Variants in URGCP observed in about 807,000 individuals in gnomAD.
URGCP encodes upregulator of cell proliferation, also known as up-regulator of cell proliferation.
Under a neutral mutation model 24.6 loss-of-function variants are expected in URGCP, and 13 were observed. That is an observed-to-expected ratio of 0.53 (90% CI 0.34 to 0.84). The LOEUF (loss-of-function observed/expected upper bound fraction) is 0.84, where lower values mean the gene tolerates loss of function less well. Ranked by LOEUF, URGCP falls within the 40% of genes least tolerant of loss-of-function variation. The pLI is 0.01. For synonymous variants in URGCP, 444 were observed against 487.2 expected, an observed-to-expected ratio of 0.91 and a Z score of 1.17; for missense variants, 899 against 1,194.3, an observed-to-expected ratio of 0.75 and a Z score of 3.64.
upstream of URGCP, among the ~76,000 whole-genome samples, chr7:43,908,108 G>A (rs1228108406): frequency 2.0e-5 from 3 of 152,198 alleles, no homozygotes; most frequent in East Asian, 5.8e-4. Flanking sequence ...TTGAGACAGG[G>A]TCTTGCCCTG....
rs549640753 is a variant in URGCP, at chr7:43,916,582, G to C, written c.-116+9550C>G. ...GACTAATTTCTGCGGATTAAGCCAAGCCTCATTTCATGGATAAAGGTCATG... is the reference window on the plus strand; with the variant it reads ...GACTAATTTCTGCGGATTAAGCCAACCCTCATTTCATGGATAAAGGTCATG... On this transcript the variant is annotated intron_variant, in intron 1 of 5. Transcript: ENST00000426198. Among the ~76,000 whole-genome samples, 4 of 152,254 alleles carry C rather than the reference G, an allele frequency of 2.6e-5. No individual in the cohort carries two copies. In the East Asian group the frequency reaches 7.7e-4, roughly 29 times the overall value.
chr7:43,895,593 T>C (rs1314539423), intron 1 of URGCP, among the ~76,000 whole-genome samples: 3 of 152,226 alleles, frequency 2.0e-5, no homozygotes, highest in Non-Finnish European at 4.4e-5. Flanking sequence ...GAGAATCACT[T>C]GAACCCAGGA....
At chr7:43,880,262 G>T (rs1046982841) in intron 5 of URGCP, among the ~76,000 whole-genome samples, 3 of 152,130 alleles carry the variant, frequency 2.0e-5, no homozygotes, top group Admixed American at 2.0e-4. Context: ...AAAATATTCA[G>T]TGCAGACTGT....
chr7:43,881,782 C>T, intron 4 of URGCP, 85 bp from the exon 5 acceptor site: 1 of 1,609,666 alleles, frequency 6.2e-7, no homozygotes, highest in East Asian at 2.2e-5. Flanking sequence ...AAACCTAGAA[C>T]CCTTCTTTCT....
At chr7:43,926,516 C>T, upstream of URGCP, 1 of 1,526,902 alleles carries the variant, frequency 6.5e-7, no homozygotes, top group Non-Finnish European at 8.8e-7. Flanking sequence ...CGCCCGGGTC[C>T]CCGGCAGCGG....
At chr7:43,903,147 G>A (rs2095894573) in intron 1 of URGCP, among the ~76,000 whole-genome samples, 1 of 149,780 alleles carries the variant, frequency 6.7e-6, no homozygotes. Flanking sequence ...GAGAGAGAGA[G>A]AAAGAGAAAG....
chr7:43,887,788 A>T lies in URGCP; in HGVS notation c.41+2T>A. 1 of 1,549,592 alleles carries T rather than the reference A, an allele frequency of 6.5e-7. No homozygotes were observed. Among genetic ancestry groups the T allele is most frequent in the Middle Eastern group, 1.7e-4 (1 of 5,984 alleles). ...TTCAGAAAGACAGAAAAATATACAT[A>T]CCCTTTGCCCAGTAATTCCACTTCT... On this transcript the variant is annotated splice_donor_variant, in intron 2 of 5. Coordinates refer to ENST00000453200, the MANE Select transcript of URGCP (RefSeq NM_001077663.3). LOFTEE classifies it high-confidence loss of function.
exon 1 of URGCP, chr7:43,926,380 C>G (rs1042055604): frequency 2.0e-6 from 1 of 491,666 alleles, no homozygotes; most frequent in Non-Finnish European, 2.9e-6. Context: ...CGCGCCAGGA[C>G]GCTCGGCACG....
At chr7:43,893,520 C>CT (rs2132682988) in intron 1 of URGCP, among the ~76,000 whole-genome samples, 1 of 152,232 alleles carries the variant, frequency 6.6e-6, no homozygotes, top group East Asian at 1.9e-4. Context: ...AGACCCAACT[C>CT]TATGTTGTCT....
At chr7:43,915,268 C>CCGT (rs1263355524) in intron 1 of URGCP, among the ~76,000 whole-genome samples, 1 of 152,104 alleles carries the variant, frequency 6.6e-6, no homozygotes, top group Non-Finnish European at 1.5e-5. Flanking sequence ...TTTTGGTGGC[C>CCGT]CATACAGGGA....
chr7:43,877,446 G>C lies in URGCP; in HGVS notation c.2017C>G (p.Arg673Gly), dbSNP rs530387888. 3.1e-6 allele frequency: 5 copies of C among 1,613,472 alleles called. No homozygotes were observed. Among genetic ancestry groups the C allele is most frequent in the Middle Eastern group, 1.6e-4 (1 of 6,082 alleles). ...TCCTTCAGGAGCCCTGTGACCCAGCGGACGGGCATGCTCAGCGTGCTCCCA... is the reference window on the plus strand; with the variant it reads ...TCCTTCAGGAGCCCTGTGACCCAGCCGACGGGCATGCTCAGCGTGCTCCCA... ...IDGSTLSMPV[R>G]WVTGLLKELH... The change falls in exon 6 of 6, where the codon CGC becomes GGC. Residue 673 changes from arginine (R) to glycine (G), a missense_variant. Transcript: ENST00000453200.
intron 1 of URGCP, among the ~76,000 whole-genome samples, chr7:43,912,899 G>A (rs1776219130): frequency 6.6e-6 from 1 of 151,820 alleles, no homozygotes; most frequent in South Asian, 2.1e-4. Flanking sequence ...TGCCCAGGCT[G>A]GAATGTAGTG....
Position 43,877,455 on chromosome 7 carries a change from T to C in URGCP, c.2008A>G (p.Met670Val), listed in dbSNP as rs893883715. ...LELIDGSTLS[M>V]PVRWVTGLLK... ...AGCCCTGTGACCCAGCGGACGGGCA[T>C]GCTCAGCGTGCTCCCATCGATTAGC... Residue 670 changes from methionine to valine, a missense_variant, in exon 6 of 6, where the codon ATG (methionine) becomes GTG (valine). Transcript: ENST00000453200. 1 of 1,613,704 alleles carries C rather than the reference T, an allele frequency of 6.2e-7. No homozygotes were observed. Among genetic ancestry groups the C allele is most frequent in the Non-Finnish European group, 8.5e-7 (1 of 1,180,030 alleles).
chr7:43,881,782 C>G, intron 4 of URGCP, 85 bp from the exon 5 acceptor site: 1 of 1,609,666 alleles, frequency 6.2e-7, no homozygotes, highest in Middle Eastern at 1.7e-4. Flanking sequence ...AAACCTAGAA[C>G]CCTTCTTTCT....
Position 43,876,435 on chromosome 7 carries a change from T to A in URGCP, c.*232A>T. The stretch of plus-strand genomic sequence containing the variant: ...GAGACAGAACAAACTGCTGCTTGTC[T>A]CCCTACCCTGGGGGCTGTGATATTC... On this transcript the variant is annotated 3_prime_UTR_variant, in exon 6 of 6. Coordinates refer to ENST00000453200, the MANE Select transcript of URGCP (RefSeq NM_001077663.3). 1 of 557,702 alleles carries A rather than the reference T, an allele frequency of 1.8e-6. No individual in the cohort carries two copies. The highest frequency in any genetic ancestry group is 3.2e-6 in the Non-Finnish European group (1 of 314,800). The allele number at this position is 557,702 out of a possible 1,614,324, so 34.5% of individuals were successfully genotyped here. A position where few individuals can be genotyped will look rare whatever the true frequency, so the allele number is the denominator to read the frequency against.
intron 1 of URGCP, among the ~76,000 whole-genome samples, chr7:43,897,649 G>A (rs1255914336): frequency 2.0e-5 from 3 of 152,212 alleles, no homozygotes; most frequent in Non-Finnish European, 4.4e-5. Flanking sequence ...TCTAGAGGAT[G>A]GGGTAGCCAT....
At chr7:43,881,150 G>A (rs1172614116) in intron 5 of URGCP, 1 of 700,044 alleles carries the variant, frequency 1.4e-6, no homozygotes, top group East Asian at 2.7e-5. Flanking sequence ...TCCAGACATG[G>A]AATAACTTTT....
chr7:43,919,834 C>T, intron 1 of URGCP: 1 of 1,268,052 alleles, frequency 7.9e-7, no homozygotes, highest in South Asian at 1.2e-5. Flanking sequence ...CGCATGATGG[C>T]CAACCACACC....
intron 1 of URGCP, among the ~76,000 whole-genome samples, chr7:43,915,384 C>G (rs1050767662): frequency 3.9e-5 from 6 of 152,208 alleles, no homozygotes; most frequent in African/African-American, 1.2e-4. Flanking sequence ...AACTGCACCC[C>G]CTCACCCCAT....
Sources: gnomAD v4.1 joint callset for allele counts (sites outside exome capture counted in the v4.1 genomes callset) on GRCh38, gnomAD v4.1.1 for gene constraint, MANE v1.5 for transcripts, NCBI Gene and HGNC (gene_info 2026-07-23, HGNC 2026-07-21) for gene names.